Variants in RRBP1 observed in about 807,000 individuals in gnomAD.
The protein encoded by RRBP1 is ribosome-binding protein 1.
RRBP1 carries 94 observed loss-of-function variants against 165.2 expected under a neutral mutation model. The observed-to-expected ratio is 0.57, with a 90% CI of 0.48 to 0.68. RRBP1 has a LOEUF of 0.68. Among genes scored for constraint, RRBP1 ranks in the 30% least tolerant of loss-of-function variants. The pLI is 0.00. For missense variants in RRBP1, 1,676 were observed against 1,763.0 expected (o/e 0.95, Z 0.88); for synonymous variants, 680 against 714.5 (o/e 0.95, Z 0.77).
At chr20:17,661,617 C>T (rs2036768097) in intron 2 of RRBP1, among the ~76,000 whole-genome samples, 1 of 152,106 alleles carries the variant, frequency 6.6e-6, no homozygotes. Flanking sequence ...TCAAGCCAGT[C>T]CCGAGTCTCT....
In RRBP1 at chr20:17,659,086, C is replaced by CCCCTCGG; in HGVS notation, c.1421_1422insCCGAGGG (p.Ala475ArgfsTer11). The CCCCTCGG allele has an allele frequency of 6.5e-7, 1 of 1,536,854 alleles. No homozygotes were observed. Among genetic ancestry groups the CCCCTCGG allele is most frequent in the Non-Finnish European group, 8.8e-7 (1 of 1,141,990 alleles). ...CAGCCTTCTTGCCCTGGTTCTGGGC[C>CCCCTCGG]CCTTCTACTTTTTTGCCCTGGTTCT... On this transcript the variant is annotated frameshift_variant, in exon 3 of 25. Coordinates refer to ENST00000377813, the MANE Select transcript of RRBP1 (RefSeq NM_001365613.2). LOFTEE classifies it high-confidence loss of function.
chr20:17,629,976 G>A lies in RRBP1; in HGVS notation c.2611-15C>T. On this transcript the variant is annotated splice_polypyrimidine_tract_variant and intron_variant, in intron 8 of 24. Coordinates refer to ENST00000377813, the MANE Select transcript of RRBP1 (RefSeq NM_001365613.2). ...CTGTGGGACGCCTGGGGACGGGCAG[G>A]GGAGTGGGGCAGTGAAGACGTGGAA... is the stretch of plus-strand genomic sequence containing the variant. 1.0e-5 allele frequency: 16 copies of A among 1,591,158 alleles called. No homozygotes were observed. Among genetic ancestry groups the A allele is most frequent in the Non-Finnish European group, 1.4e-5 (16 of 1,173,576 alleles).
intron 8 of RRBP1, among the ~76,000 whole-genome samples, chr20:17,633,010 G>A (rs900223485): frequency 2.6e-5 from 4 of 152,218 alleles, no homozygotes; most frequent in Non-Finnish European, 5.9e-5. Flanking sequence ...CAGAGCTGCA[G>A]TACCACAGTG....
intron 23 of RRBP1, 113 bp from the exon 24 acceptor site, chr20:17,614,993 A>C: frequency 8.3e-7 from 1 of 1,205,290 alleles, no homozygotes; most frequent in Middle Eastern, 2.0e-4. Context: ...GACACAAGGA[A>C]GGCAACTCCT....
At chr20:17,622,928 C>T (rs530394794) in intron 13 of RRBP1, 25 of 152,268 alleles carry the variant, frequency 1.6e-4, no homozygotes, top group Non-Finnish European at 3.1e-4. Context: ...ACCGGACACC[C>T]AGCCTGAGCG....
intron 4 of RRBP1, 143 bp downstream of exon 4, chr20:17,642,836 A>T (rs2036389898): frequency 1.1e-6 from 1 of 912,970 alleles, no homozygotes; most frequent in East Asian, 2.7e-5. Context: ...CCTGCGAGCG[A>T]TCCCTCGGGG....
intron 5 of RRBP1, among the ~76,000 whole-genome samples, chr20:17,640,948 C>T (rs1252427344): frequency 1.3e-5 from 2 of 152,218 alleles, no homozygotes; most frequent in Non-Finnish European, 2.9e-5. Flanking sequence ...CCCCCTGCGC[C>T]CGCTGCCCGG....
intron 18 of RRBP1, 148 bp from the exon 19 acceptor site, chr20:17,619,876 G>C: frequency 1.7e-6 from 1 of 575,874 alleles, no homozygotes. Flanking sequence ...CGAGAAACTA[G>C]TCCGCGGCAA....
chr20:17,618,735 C>T (rs1351343042), intron 19 of RRBP1, 56 bp from the exon 20 acceptor site: 25 of 1,381,026 alleles, frequency 1.8e-5, no homozygotes, highest in Non-Finnish European at 2.6e-5. Flanking sequence ...AGGAGAAAAC[C>T]AGTCCCCGTG....
intron 2 of RRBP1, among the ~76,000 whole-genome samples, chr20:17,662,745 G>A (rs2036789282): frequency 6.6e-6 from 1 of 152,162 alleles, no homozygotes; most frequent in Non-Finnish European, 1.5e-5. Flanking sequence ...GTAGGAGGAT[G>A]GGGACAAGAA....
chr20:17,626,388 G>A (rs549852159), intron 11 of RRBP1, among the ~76,000 whole-genome samples: 1 of 152,306 alleles, frequency 6.6e-6, no homozygotes, highest in African/African-American at 2.4e-5. Flanking sequence ...AGGTTTGGTT[G>A]TGGGTCATTC....
chr20:17,614,629 C>CGGGA, intron 24 of RRBP1, 108 bp downstream of exon 24: 1 of 1,420,096 alleles, frequency 7.0e-7, no homozygotes, highest in Admixed American at 2.0e-5. Flanking sequence ...CAGCCCAGCG[C>CGGGA]TCCCAGCAGC....
chr20:17,638,644 T>G (rs1307551929), intron 5 of RRBP1, among the ~76,000 whole-genome samples: 1 of 152,156 alleles, frequency 6.6e-6, no homozygotes, highest in Non-Finnish European at 1.5e-5. Context: ...GACCCAGGGT[T>G]CCTTCTGCTT....
rs886319243 is a variant in RRBP1, at chr20:17,659,593, G to A, written c.915C>T (p.Ala305=). 1.3e-6 allele frequency: 2 copies of A among 1,549,006 alleles called. No homozygotes were observed. The highest frequency in any genetic ancestry group is 2.0e-5 in the Admixed American group (1 of 50,870). ...AQNQAKKVEG[A]QNQGKKAEGA... is the part of the protein sequence containing the mutation. ...CCTCTGCCTTTTTGCCCTGGTTCTGGGCCCCTTCTACCTTTTTGGCCTGGT... is the reference window on the plus strand; with the variant it reads ...CCTCTGCCTTTTTGCCCTGGTTCTGAGCCCCTTCTACCTTTTTGGCCTGGT... The change falls in exon 3 of 25, where the codon GCC becomes GCT. Residue 305 remains alanine (A), a synonymous_variant. Transcript: ENST00000377813.
intron 20 of RRBP1, 68 bp downstream of exon 20, chr20:17,618,528 G>T: frequency 3.4e-6 from 4 of 1,187,120 alleles, no homozygotes; most frequent in Non-Finnish European, 5.1e-6. Context: ...CGCATGACTG[G>T]CAAATGCATC....
Position 17,678,682 on chromosome 20 carries a change from C to T in RRBP1, c.-22+1317G>A, listed in dbSNP as rs112144490. 4.2e-3 allele frequency among the ~76,000 whole-genome samples: 634 copies of T among 152,346 alleles called. 9 individuals carry two copies. Among genetic ancestry groups the T allele is most frequent in the African/African-American group, 0.014 (587 of 41,578 alleles). On this transcript the variant is annotated intron_variant, in intron 2 of 24. Coordinates refer to ENST00000377813, the MANE Select transcript of RRBP1 (RefSeq NM_001365613.2). ...AACCATCTACAGCCACGCTGACCAA[C>T]TTATGACTACTGAGCACCTGAAATG...
chr20:17,630,865 CT>C, intron 8 of RRBP1, among the ~76,000 whole-genome samples: 1 of 152,234 alleles, frequency 6.6e-6, no homozygotes, highest in African/African-American at 2.4e-5. Context: ...TCGTCAATGC[CT>C]TTACCAAGCT....
At chr20:17,614,987 C>T in intron 23 of RRBP1, 107 bp from the exon 24 acceptor site, 2 of 1,262,344 alleles carry the variant, frequency 1.6e-6, no homozygotes, top group South Asian at 1.4e-5. Context: ...TCTGGGGACA[C>T]AAGGAAGGCA....
chr20:17,645,592 A>G (rs571977995), intron 3 of RRBP1, among the ~76,000 whole-genome samples: 2 of 152,194 alleles, frequency 1.3e-5, no homozygotes, highest in Admixed American at 1.3e-4. Flanking sequence ...ATTGTCCCCA[A>G]ATCAAGGGCA....
Sources: gnomAD v4.1 joint callset for allele counts (sites outside exome capture counted in the v4.1 genomes callset) on GRCh38, gnomAD v4.1.1 for gene constraint, MANE v1.5 for transcripts, NCBI Gene and HGNC (gene_info 2026-07-23, HGNC 2026-07-21) for gene names.